VKORC1L1: variants seen among roughly 807,000 people sequenced by gnomAD.
VKORC1L1 encodes vitamin K epoxide reductase complex subunit 1-like protein 1.
VKORC1L1 carries 2 observed loss-of-function variants against 18.9 expected under a neutral mutation model. That is an observed-to-expected ratio of 0.11 (90% confidence interval 0.04 to 0.33). VKORC1L1 has a LOEUF of 0.33. Among genes scored for constraint, VKORC1L1 ranks in the 10% least tolerant of loss-of-function variants. The pLI is 1.00. For synonymous variants in VKORC1L1, 96 were observed against 100.0 expected, an observed-to-expected ratio of 0.96 and a Z score of 0.24; for missense variants, 123 against 224.1, an observed-to-expected ratio of 0.55 and a Z score of 2.88.
intron 1 of VKORC1L1, among the ~76,000 whole-genome samples, chr7:65,933,702 A>G (rs577719038): frequency 1.3e-5 from 2 of 152,256 alleles, no homozygotes; most frequent in South Asian, 2.1e-4. Context: ...AATTGTTAGT[A>G]TGTTTAGATT....
chr7:65,922,101 A>G (rs566022141), intron 1 of VKORC1L1, among the ~76,000 whole-genome samples: 24 of 152,072 alleles, frequency 1.6e-4, no homozygotes, highest in Non-Finnish European at 3.1e-4. Flanking sequence ...TTTAGGCTTC[A>G]TTTACCAATC....
At chr7:65,884,342 T>C (rs1160664763) in intron 1 of VKORC1L1, among the ~76,000 whole-genome samples, 2 of 152,190 alleles carry the variant, frequency 1.3e-5, no homozygotes, top group African/African-American at 4.8e-5. Flanking sequence ...AATTTGTCTT[T>C]TCCTCACTTA....
intron 1 of VKORC1L1, among the ~76,000 whole-genome samples, chr7:65,905,041 G>A (rs1441173143): frequency 1.3e-5 from 2 of 152,054 alleles, no homozygotes; most frequent in East Asian, 3.9e-4. Context: ...ATATAGGTAT[G>A]TATATATATA....
intron 1 of VKORC1L1, among the ~76,000 whole-genome samples, chr7:65,945,189 T>C (rs1478804346): frequency 6.7e-6 from 1 of 149,914 alleles, no homozygotes; most frequent in Non-Finnish European, 1.5e-5. Context: ...TGAATCCAAG[T>C]GGTGAAGGTT....
chr7:65,908,520 A>G (rs923608540), intron 1 of VKORC1L1, among the ~76,000 whole-genome samples: 12 of 151,802 alleles, frequency 7.9e-5, no homozygotes, highest in Non-Finnish European at 1.5e-4. Context: ...TATTTCTCAA[A>G]CCACTGAAGG....
At chr7:65,881,457 T>C (rs541909884) in intron 1 of VKORC1L1, among the ~76,000 whole-genome samples, 1 of 152,246 alleles carries the variant, frequency 6.6e-6, no homozygotes, top group African/African-American at 2.4e-5. Context: ...CCTGCAGAGA[T>C]GGAGAACAGA....
At chr7:65,874,006 C>G (rs1194293071) in intron 1 of VKORC1L1, among the ~76,000 whole-genome samples, 2 of 152,266 alleles carry the variant, frequency 1.3e-5, no homozygotes, top group East Asian at 3.9e-4. Context: ...CTCTTGTCCC[C>G]CCGATCGCTG....
Position 65,873,580 on chromosome 7 carries a change from G to A in VKORC1L1, c.194+15G>A. On this transcript the variant is annotated intron_variant, in intron 1 of 2. Transcript: ENST00000360768. Reference sequence around the variant, plus strand: ...CTTGCCTCCAGGTAGCCGGCTTGGGGGAGTGGGCCAGGAGCGGCCGAGCGG... The same window carrying A: ...CTTGCCTCCAGGTAGCCGGCTTGGGAGAGTGGGCCAGGAGCGGCCGAGCGG... 2 of 1,527,598 alleles carry A rather than the reference G, an allele frequency of 1.3e-6. No homozygotes were observed. The highest frequency in any genetic ancestry group is 1.8e-6 in the Non-Finnish European group (2 of 1,140,566). 94.6% of individuals were successfully genotyped at this position (1,527,598 alleles called of 1,614,324 possible).
At chr7:65,888,282 C>T (rs1380684713) in intron 1 of VKORC1L1, among the ~76,000 whole-genome samples, 2 of 152,140 alleles carry the variant, frequency 1.3e-5, no homozygotes, top group East Asian at 3.8e-4. Context: ...AAATGGACAA[C>T]AAAAGGACTC....
intron 2 of VKORC1L1, among the ~76,000 whole-genome samples, chr7:65,949,410 C>T (rs1790176466): frequency 1.3e-5 from 2 of 151,966 alleles, no homozygotes; most frequent in East Asian, 1.9e-4. Context: ...ACCCGGGAGA[C>T]GGAGGTTGTA....
chr7:65,874,159 C>T lies in VKORC1L1; in HGVS notation c.194+594C>T, dbSNP rs146707297. ...TTTGCAGACTTAACTGGGACGGTGA[C>T]ATTTGCTGGCAAACACGAATTTGAC... On this transcript the variant is annotated intron_variant, in intron 1 of 2. Coordinates refer to ENST00000360768, the MANE Select transcript of VKORC1L1 (RefSeq NM_173517.6). Among the ~76,000 whole-genome samples, 285 of 152,262 alleles carry T rather than the reference C, an allele frequency of 1.9e-3. 3 individuals carry two copies. Among genetic ancestry groups the T allele is most frequent in the African/African-American group, 6.7e-3 (277 of 41,570 alleles).
chr7:65,879,580 C>T (rs1788890261), intron 1 of VKORC1L1, among the ~76,000 whole-genome samples: 1 of 152,144 alleles, frequency 6.6e-6, no homozygotes, highest in South Asian at 2.1e-4. Context: ...CCAGGTAGTA[C>T]AGTGGCAGAG....
intron 1 of VKORC1L1, among the ~76,000 whole-genome samples, chr7:65,891,001 T>A (rs2116360052): frequency 6.6e-6 from 1 of 152,298 alleles, no homozygotes; most frequent in East Asian, 1.9e-4. Context: ...TGTTTTGACT[T>A]TGGCCACTAT....
At chr7:65,946,869 C>G (rs115057376) in intron 1 of VKORC1L1, among the ~76,000 whole-genome samples, 1 of 151,974 alleles carries the variant, frequency 6.6e-6, no homozygotes, top group Non-Finnish European at 1.5e-5. Context: ...GGTGTCATAG[C>G]TCAGCCTGTA....
chr7:65,932,348 T>C (rs1789872136), intron 1 of VKORC1L1, among the ~76,000 whole-genome samples: 1 of 152,208 alleles, frequency 6.6e-6, no homozygotes, highest in East Asian at 1.9e-4. Flanking sequence ...TCCATCCACC[T>C]TGGCCTCCCA....
intron 1 of VKORC1L1, among the ~76,000 whole-genome samples, chr7:65,936,336 T>A (rs934820203): frequency 1.3e-5 from 2 of 152,204 alleles, no homozygotes; most frequent in African/African-American, 4.8e-5. Flanking sequence ...TTCTTCTAGT[T>A]CTTTGTATGT....
intron 1 of VKORC1L1, among the ~76,000 whole-genome samples, chr7:65,920,573 G>A (rs575622153): frequency 6.6e-6 from 1 of 152,306 alleles, no homozygotes; most frequent in Admixed American, 6.5e-5. Flanking sequence ...AAAATAGAAA[G>A]CTAACAGGAG....
intron 1 of VKORC1L1, among the ~76,000 whole-genome samples, chr7:65,911,504 GT>G (rs1239829405): frequency 1.3e-5 from 2 of 152,144 alleles, no homozygotes; most frequent in African/African-American, 2.4e-5. Context: ...ACCTAGATAG[GT>G]TATTACTCTC....
chr7:65,906,770 T>G (rs989011279), intron 1 of VKORC1L1, among the ~76,000 whole-genome samples: 1 of 152,152 alleles, frequency 6.6e-6, no homozygotes, highest in South Asian at 2.1e-4. Flanking sequence ...TAATTCATGG[T>G]TGACTTGACG....
Sources: allele counts gnomAD v4.1 joint callset (sites outside exome capture counted in the v4.1 genomes callset), GRCh38; gene constraint gnomAD v4.1.1; transcripts MANE v1.5; gene names NCBI Gene and HGNC (gene_info 2026-07-23, HGNC 2026-07-21).